The following TFCP2L1 variants were observed in gnomAD, a reference collection of about 807,000 sequenced individuals.
The protein encoded by TFCP2L1 is transcription factor CP2-like protein 1.
A neutral mutation model predicts 72.2 loss-of-function variants in TFCP2L1; 12 were observed. The ratio of observed to expected loss-of-function variants is 0.17; its 90% CI spans 0.11 to 0.27. TFCP2L1 has a LOEUF of 0.27. Ranked by LOEUF, TFCP2L1 falls within the 10% of genes least tolerant of loss-of-function variation. TFCP2L1 has a pLI of 1.00. For missense variants in TFCP2L1, 488 were observed against 624.6 expected, an observed-to-expected ratio of 0.78 and a Z score of 2.33; for synonymous variants, 260 against 251.0, an observed-to-expected ratio of 1.04 and a Z score of -0.34.
intron 13 of TFCP2L1, among the ~76,000 whole-genome samples, chr2:121,226,465 G>C (rs982099442): frequency 6.6e-6 from 1 of 151,982 alleles, no homozygotes; most frequent in African/African-American, 2.4e-5. Context: ...GAATGTGTAT[G>C]TGACTAATGG....
intron 10 of TFCP2L1, among the ~76,000 whole-genome samples, chr2:121,236,101 C>T (rs555125077): frequency 2.0e-5 from 3 of 152,286 alleles, no homozygotes; most frequent in South Asian, 2.1e-4. Flanking sequence ...TGTTCATGCC[C>T]GTTATTACCT....
At position 121,248,763 on chromosome 2, in the gene TFCP2L1, C is replaced by T. The variant is rs557593497; in HGVS notation, c.397+219G>A. Among the ~76,000 whole-genome samples the T allele has an allele frequency of 8.5e-5, 13 of 152,348 alleles. No homozygotes were observed. The South Asian group carries it at 2.5e-3, about 29-fold the overall frequency. On this transcript the variant is annotated intron_variant, in intron 4 of 14. Transcript: ENST00000263707. ...TTCCCTGAACTCCCTGTGAGCAGGT[C>T]TCTCAATTCCACAGACCTTTCTTTT...
At chr2:121,240,214 C>T in intron 7 of TFCP2L1, 1 of 985,278 alleles carries the variant, frequency 1.0e-6, no homozygotes, top group Non-Finnish European at 1.2e-6. Flanking sequence ...AGGCATTCTG[C>T]TGGGGGCTAA....
intron 13 of TFCP2L1, among the ~76,000 whole-genome samples, chr2:121,227,171 A>G (rs555915843): frequency 1.7e-4 from 26 of 152,348 alleles, no homozygotes; most frequent in African/African-American, 6.0e-4. Context: ...TAAACAATAT[A>G]TTGAGGAGGA....
At chr2:121,243,600 T>C (rs1686423209) in intron 6 of TFCP2L1, among the ~76,000 whole-genome samples, 1 of 152,166 alleles carries the variant, frequency 6.6e-6, no homozygotes, top group Non-Finnish European at 1.5e-5. Context: ...CTGCCTCCCG[T>C]GTCAGACCAG....
intron 1 of TFCP2L1, among the ~76,000 whole-genome samples, chr2:121,283,321 C>T (rs991285836): frequency 6.6e-6 from 1 of 152,096 alleles, no homozygotes; most frequent in Non-Finnish European, 1.5e-5. Flanking sequence ...AAATAAAATA[C>T]AAAAAACGCA....
At chr2:121,276,847 G>C (rs561629402) in intron 2 of TFCP2L1, among the ~76,000 whole-genome samples, 1 of 151,642 alleles carries the variant, frequency 6.6e-6, no homozygotes, top group South Asian at 2.1e-4. Context: ...TTGATTTTGA[G>C]ATGAGCAGCC....
chr2:121,276,231 G>A (rs1194197563), intron 2 of TFCP2L1, among the ~76,000 whole-genome samples: 5 of 73,968 alleles, frequency 6.8e-5, no homozygotes, highest in Admixed American at 1.6e-4. Flanking sequence ...CCCACCCCCC[G>A]ACAGGCCCCA....
intron 2 of TFCP2L1, among the ~76,000 whole-genome samples, chr2:121,271,207 AAAAAAAC>A (rs1447098322): frequency 3.3e-5 from 5 of 152,068 alleles, no homozygotes; most frequent in African/African-American, 9.7e-5. Context: ...AAATAAAAAA[AAAAAAAC>A]AAAAAAGCAA....
At chr2:121,241,503 C>G (rs1412711427) in intron 7 of TFCP2L1, among the ~76,000 whole-genome samples, 2 of 150,796 alleles carry the variant, frequency 1.3e-5, no homozygotes, top group African/African-American at 4.9e-5. Flanking sequence ...TCTCAAAAAA[C>G]AAACAAAAAA....
chr2:121,277,576 T>C (rs543947986), intron 2 of TFCP2L1, among the ~76,000 whole-genome samples: 1 of 152,328 alleles, frequency 6.6e-6, no homozygotes, highest in African/African-American at 2.4e-5. Flanking sequence ...TAATCAACAT[T>C]TCACAGGAAG....
rs1685923937 is a variant in TFCP2L1 at position 121,221,268 on chromosome 2, A to T, written c.*3073T>A. Reference sequence around the variant, plus strand: ...CCAAGGACTAGTGTGTGGAGCTAGAACATGCACCAAGGAAGACTGGGGAAC... The same window carrying T: ...CCAAGGACTAGTGTGTGGAGCTAGATCATGCACCAAGGAAGACTGGGGAAC... On this transcript the variant is annotated 3_prime_UTR_variant, in exon 15 of 15. Coordinates refer to ENST00000263707, the MANE Select transcript of TFCP2L1 (RefSeq NM_014553.3). 1 of 152,224 alleles carries T rather than the reference A, an allele frequency of 6.6e-6. No individual in the cohort carries two copies. The highest frequency in any genetic ancestry group is 6.5e-5 in the Admixed American group (1 of 15,276). 9.4% of individuals were successfully genotyped at this position (152,224 alleles called of 1,614,324 possible).
rs767330558 is a variant in TFCP2L1, at chr2:121,220,480, G to A, written c.*3861C>T. On this transcript the variant is annotated 3_prime_UTR_variant, in exon 15 of 15. Transcript: ENST00000263707. Reference sequence around the variant, plus strand: ...ACCTTGCAGATACCCCGCAAAAACCGTGACGACCTAAGAGTAAGGAACTCA... The same window carrying A: ...ACCTTGCAGATACCCCGCAAAAACCATGACGACCTAAGAGTAAGGAACTCA... 7.2e-5 allele frequency: 11 copies of A among 152,212 alleles called. No individual in the cohort carries two copies. The highest frequency in any genetic ancestry group is 3.9e-4 in the East Asian group (2 of 5,194). The allele number at this position is 152,212 out of a possible 1,614,324, so 9.4% of individuals were successfully genotyped here.
In TFCP2L1 at chr2:121,224,312, C is replaced by T. The variant is rs1398268959; in HGVS notation, c.*29G>A. The T allele has an allele frequency of 6.2e-7, 1 of 1,613,224 alleles. No homozygotes were observed. The highest frequency in any genetic ancestry group is 1.3e-5 in the African/African-American group (1 of 74,914). ...CCACGGGGATCCACAGGGCTGGGAG[C>T]TGGAGACAGGTATGAGGTCCACTGC... On this transcript the variant is annotated 3_prime_UTR_variant, in exon 15 of 15. Transcript: ENST00000263707.
intron 3 of TFCP2L1, among the ~76,000 whole-genome samples, 190 bp from the exon 4 acceptor site, chr2:121,249,277 T>C (rs1347707616): frequency 6.6e-6 from 1 of 152,152 alleles, no homozygotes; most frequent in Non-Finnish European, 1.5e-5. Context: ...GCAACAACAG[T>C]GATGACTACC....
intron 2 of TFCP2L1, among the ~76,000 whole-genome samples, chr2:121,269,632 G>T (rs1037515134): frequency 3.3e-5 from 5 of 151,980 alleles, no homozygotes; most frequent in Non-Finnish European, 5.9e-5. Context: ...TGTAAAAGAG[G>T]CCGGGCCTGG....
chr2:121,224,492 C>T (rs1685984089), intron 14 of TFCP2L1, 105 bp from the exon 15 acceptor site: 1 of 1,107,206 alleles, frequency 9.0e-7, no homozygotes, highest in Non-Finnish European at 1.3e-6. Flanking sequence ...CAAAGACCAC[C>T]AAAATAGGGC....
chr2:121,248,790 C>A (rs991791756), intron 4 of TFCP2L1, among the ~76,000 whole-genome samples, 192 bp downstream of exon 4: 2 of 152,186 alleles, frequency 1.3e-5, no homozygotes, highest in African/African-American at 4.8e-5. Flanking sequence ...CTTTCTTTTC[C>A]ACTGAAAAAG....
At chr2:121,279,021 G>A (rs1403015589) in intron 2 of TFCP2L1, among the ~76,000 whole-genome samples, 1 of 151,994 alleles carries the variant, frequency 6.6e-6, no homozygotes, top group Non-Finnish European at 1.5e-5. Flanking sequence ...AAAGGAGTTG[G>A]AAGGGGTAGA....
Sources: gnomAD v4.1 joint callset for allele counts (sites outside exome capture counted in the v4.1 genomes callset) on GRCh38, gnomAD v4.1.1 for gene constraint, MANE v1.5 for transcripts, NCBI Gene and HGNC (gene_info 2026-07-23, HGNC 2026-07-21) for gene names.